SEH1L: variants seen among roughly 807,000 people sequenced by gnomAD.
SEH1L encodes the protein SEH1 like nucleoporin, also known as nucleoporin SEH1.
Under a neutral mutation model 49.5 loss-of-function variants are expected in SEH1L, and 18 were observed. The ratio of observed to expected loss-of-function variants is 0.36; its 90% confidence interval spans 0.25 to 0.54. The LOEUF (loss-of-function observed/expected upper bound fraction) is 0.54. SEH1L is among the 20% of genes least tolerant of loss of function. The pLI, the probability that SEH1L is intolerant of heterozygous loss-of-function variation, is 0.87. For synonymous variants in SEH1L, 169 were observed against 178.1 expected (o/e 0.95, Z 0.41); for missense variants, 404 against 528.8 (o/e 0.76, Z 2.31).
intron 6 of SEH1L, among the ~76,000 whole-genome samples, 166 bp downstream of exon 6, chr18:12,979,058 A>G (rs1220021061): frequency 1.3e-5 from 2 of 149,054 alleles, no homozygotes; most frequent in Admixed American, 6.8e-5. Context: ...GGTCTTTTAC[A>G]GTTACTTTTT....
intron 5 of SEH1L, chr18:12,976,011 G>C (rs2031901902): frequency 3.1e-6 from 1 of 318,792 alleles, no homozygotes; most frequent in Admixed American, 6.5e-5. Flanking sequence ...GGAACATCCA[G>C]GTGGGGATGT....
intron 5 of SEH1L, chr18:12,976,224 C>T (rs2145651640): frequency 6.6e-6 from 1 of 152,372 alleles, no homozygotes; most frequent in Non-Finnish European, 1.5e-5. Context: ...TCCCTTGTGT[C>T]CTCACAGCAT....
chr18:12,952,982 A>G (rs1476098161), intron 2 of SEH1L, among the ~76,000 whole-genome samples: 1 of 151,892 alleles, frequency 6.6e-6, no homozygotes, highest in Non-Finnish European at 1.5e-5. Context: ...GGGTTTCACT[A>G]TGTTGACCAG....
At chr18:12,970,308 T>C (rs1443850240) in intron 4 of SEH1L, among the ~76,000 whole-genome samples, 1 of 152,220 alleles carries the variant, frequency 6.6e-6, no homozygotes, top group Admixed American at 6.5e-5. Context: ...ATCTTTTGCC[T>C]TTTTCAAAAT....
chr18:12,979,742 G>T (rs1366131860), intron 6 of SEH1L, among the ~76,000 whole-genome samples: 1 of 140,058 alleles, frequency 7.1e-6, no homozygotes. Context: ...TGGCCGGGCG[G>T]GGGGCTGACC....
intron 6 of SEH1L, among the ~76,000 whole-genome samples, chr18:12,980,366 G>T: frequency 8.0e-6 from 1 of 125,262 alleles, no homozygotes; most frequent in African/African-American, 3.0e-5. Flanking sequence ...TGGCAGGGCG[G>T]GGGGCTGACC....
intron 8 of SEH1L, chr18:12,986,375 A>C (rs2032456840): frequency 1.0e-6 from 1 of 985,480 alleles, no homozygotes; most frequent in Admixed American, 6.1e-5. Context: ...GTAGTTCTTC[A>C]AAAGCATGTT....
At chr18:12,966,905 A>C (rs532762757) in intron 4 of SEH1L, among the ~76,000 whole-genome samples, 1 of 152,232 alleles carries the variant, frequency 6.6e-6, no homozygotes, top group African/African-American at 2.4e-5. Flanking sequence ...CCAGATCTCC[A>C]CTTTGTTCTC....
intron 4 of SEH1L, among the ~76,000 whole-genome samples, chr18:12,968,570 T>A (rs1259230618): frequency 6.6e-6 from 1 of 152,224 alleles, no homozygotes; most frequent in Non-Finnish European, 1.5e-5. Flanking sequence ...ATTTTCTACT[T>A]ACTGATGGTG....
At position 12,948,196 on chromosome 18, in the gene SEH1L, G is replaced by A. The variant is rs1157122218; in HGVS notation, c.75G>A (p.Arg25=). The change falls in exon 1 of 9, where the codon CGG becomes CGA. Residue 25 remains arginine (R), a synonymous_variant. Transcript: ENST00000399892. ...ATGTCTCTTTCGACTTCCACGGGCG[G>A]CGGATGGCAACCTGCTCCAGCGATC... ...IHDVSFDFHG[R]RMATCSSDQS... is the part of the protein sequence containing the mutation. 2 of 1,611,980 alleles carry A rather than the reference G, an allele frequency of 1.2e-6. No homozygotes were observed. The highest frequency in any genetic ancestry group is 1.7e-6 in the Non-Finnish European group (2 of 1,179,374).
intron 2 of SEH1L, among the ~76,000 whole-genome samples, chr18:12,952,341 T>C (rs530478199): frequency 6.6e-6 from 1 of 152,152 alleles, no homozygotes; most frequent in South Asian, 2.1e-4. Context: ...CAAGTGATTC[T>C]TCTGCCTCAG....
In SEH1L at chr18:12,963,095, G is replaced by A. The variant is rs1017243243; in HGVS notation, c.310-65G>A. ...TTCTGTGTGATTCCAGAGTCTGTGTGTCTTTTCCACTCTACCATGCTTTCT... is the reference window on the plus strand; with the variant it reads ...TTCTGTGTGATTCCAGAGTCTGTGTATCTTTTCCACTCTACCATGCTTTCT... On this transcript the variant is annotated intron_variant, in intron 3 of 8. Transcript: ENST00000399892. 4.2e-6 allele frequency: 5 copies of A among 1,192,996 alleles called. No individual in the cohort carries two copies. In the Admixed American group the frequency reaches 1.1e-4, roughly 25 times the overall value. 73.9% of individuals were successfully genotyped at this position (1,192,996 alleles called of 1,614,324 possible).
chr18:12,978,399 CT>C (rs1411236978), intron 5 of SEH1L: 6 of 171,330 alleles, frequency 3.5e-5, no homozygotes, highest in Admixed American at 1.8e-4. Flanking sequence ...GGCAGCATAA[CT>C]CCAATCTCTG....
intron 6 of SEH1L, among the ~76,000 whole-genome samples, chr18:12,979,177 A>G (rs2032055146): frequency 6.7e-6 from 1 of 150,170 alleles, no homozygotes; most frequent in African/African-American, 2.5e-5. Flanking sequence ...AAACAAGTGA[A>G]CAAAGGTCTC....
intron 3 of SEH1L, among the ~76,000 whole-genome samples, chr18:12,957,579 A>G (rs186572312): frequency 3.2e-4 from 48 of 152,368 alleles, no homozygotes; most frequent in African/African-American, 1.1e-3. Flanking sequence ...ACTAGATTAT[A>G]TTTAAGACTC....
intron 8 of SEH1L, chr18:12,985,414 TAC>T (rs1231242861): frequency 1.3e-5 from 17 of 1,352,452 alleles, no homozygotes; most frequent in East Asian, 2.9e-5. Context: ...CCTTTAAAAA[TAC>T]AGTGTATATT....
intron 1 of SEH1L, among the ~76,000 whole-genome samples, chr18:12,951,212 T>C (rs1396564812): frequency 1.3e-5 from 2 of 152,230 alleles, no homozygotes; most frequent in Non-Finnish European, 2.9e-5. Flanking sequence ...GCTCATACTG[T>C]AAGCAGGTGT....
intron 4 of SEH1L, among the ~76,000 whole-genome samples, chr18:12,967,828 C>T (rs889484786): frequency 2.0e-5 from 3 of 151,832 alleles, no homozygotes; most frequent in Non-Finnish European, 4.4e-5. Context: ...GCAGGAGAAT[C>T]GCTTGAACTT....
chr18:12,979,548 A>T (rs1428632558), intron 6 of SEH1L, among the ~76,000 whole-genome samples: 1 of 152,034 alleles, frequency 6.6e-6, no homozygotes, highest in Non-Finnish European at 1.5e-5. Flanking sequence ...CAAAACCACC[A>T]TTGTCATCAT....
Sources: gnomAD v4.1 joint callset for allele counts (sites outside exome capture counted in the v4.1 genomes callset) on GRCh38, gnomAD v4.1.1 for gene constraint, MANE v1.5 for transcripts, NCBI Gene and HGNC (gene_info 2026-07-23, HGNC 2026-07-21) for gene names.